The following PACSIN1 variants were observed in gnomAD, a reference collection of about 807,000 sequenced individuals.
PACSIN1 encodes protein kinase C and casein kinase substrate in neurons protein 1.
Under a neutral mutation model 59.5 loss-of-function variants are expected in PACSIN1, and 15 were observed. That is an observed-to-expected ratio of 0.25 (90% CI 0.17 to 0.39). The LOEUF is 0.39. Among genes scored for constraint, PACSIN1 ranks in the 10% least tolerant of loss-of-function variants. The probability of loss-of-function intolerance (pLI) is 1.00; values close to 1 mark genes in which losing one functional copy is unlikely to be tolerated. For missense variants in PACSIN1, 420 were observed against 580.2 expected (o/e 0.72, Z 2.84); for synonymous variants, 210 against 220.6 (o/e 0.95, Z 0.42).
Position 34,530,963 on chromosome 6 carries a change from C to A in PACSIN1, c.1037+376C>A, listed in dbSNP as rs1310019660. ...GGCTGATCTAACAGGAGGTGCAGCT[C>A]AGGCGATAATGCTCCCTCGCCTGTC... is the stretch of plus-strand genomic sequence containing the variant. On this transcript the variant is annotated intron_variant, in intron 8 of 9. Transcript: ENST00000244458. This position sits in a 1 kb window ranked among gnomAD's most constrained non-coding sequence, Gnocchi z 4.4. Among the ~76,000 whole-genome samples, 1 of 152,200 alleles carries A rather than the reference C, an allele frequency of 6.6e-6. No individual in the cohort carries two copies. The highest frequency in any genetic ancestry group is 1.5e-5 in the Non-Finnish European group (1 of 68,050).
chr6:34,480,885 G>C (rs767846181), intron 1 of PACSIN1, among the ~76,000 whole-genome samples: 1 of 151,722 alleles, frequency 6.6e-6, no homozygotes, highest in Non-Finnish European at 1.5e-5. Flanking sequence ...CATTCTTGCA[G>C]GTATGTGGTT....
intron 1 of PACSIN1, among the ~76,000 whole-genome samples, chr6:34,508,818 C>T (rs1767154915): frequency 6.6e-6 from 1 of 152,070 alleles, no homozygotes; most frequent in Non-Finnish European, 1.5e-5. Flanking sequence ...CATTTGTATG[C>T]CTTCTTTGGA....
Position 34,472,951 on chromosome 6 carries a change from A to T in PACSIN1, c.-64+6681A>T, listed in dbSNP as rs562885178. Among the ~76,000 whole-genome samples, 5 of 152,228 alleles carry T rather than the reference A, an allele frequency of 3.3e-5. No individual in the cohort carries two copies. The East Asian group carries it at 9.7e-4, about 30-fold the overall frequency. On this transcript the variant is annotated intron_variant, in intron 1 of 9. Transcript: ENST00000244458. ...CTCATTTAGTCCTCTTAGTAAGCTC[A>T]TGGGGTTATCCCCATTTTACAGATG...
chr6:34,527,510 G>A (rs1218112490), intron 3 of PACSIN1, 22 bp downstream of exon 3: 5 of 1,565,344 alleles, frequency 3.2e-6, no homozygotes, highest in East Asian at 2.4e-5. Context: ...GGCTCACATC[G>A]TGCGCGCCCC....
intron 1 of PACSIN1, among the ~76,000 whole-genome samples, chr6:34,509,384 G>A: frequency 6.6e-6 from 1 of 152,108 alleles, no homozygotes; most frequent in South Asian, 2.1e-4. Context: ...TGGTCTGTAT[G>A]TCTTTATTTA....
intron 1 of PACSIN1, among the ~76,000 whole-genome samples, chr6:34,470,313 TG>T (rs1766553303): frequency 6.6e-6 from 1 of 151,956 alleles, no homozygotes. Context: ...CCTGAGTAGC[TG>T]GGATTACAGG....
At chr6:34,501,864 A>G (rs1380795258) in intron 1 of PACSIN1, among the ~76,000 whole-genome samples, 1 of 151,976 alleles carries the variant, frequency 6.6e-6, no homozygotes, top group African/African-American at 2.4e-5. Context: ...CCCCATCTCT[A>G]CTAAAAATAC....
At chr6:34,509,698 G>C (rs543354583) in intron 1 of PACSIN1, among the ~76,000 whole-genome samples, 87 of 149,146 alleles carry the variant, frequency 5.8e-4, no homozygotes, top group Non-Finnish European at 1.1e-3. Flanking sequence ...TCATGAACAT[G>C]AGATGTTTTT....
chr6:34,528,901 G>T, intron 4 of PACSIN1, 24 bp downstream of exon 4: 1 of 1,394,278 alleles, frequency 7.2e-7, no homozygotes. Flanking sequence ...GCTGCCACGG[G>T]CGGGGTGGGG....
chr6:34,521,762 G>A lies in PACSIN1; in HGVS notation c.-63-4481G>A, dbSNP rs896249536. On this transcript the variant is annotated intron_variant, in intron 1 of 9. Coordinates refer to ENST00000244458, the MANE Select transcript of PACSIN1 (RefSeq NM_020804.5). This position sits in a 1 kb window ranked among gnomAD's most constrained non-coding sequence, Gnocchi z 4.3. ...AAGCGCCGACACCTGTGGAGAGCTC[G>A]CCGTGTGTCAGGCGCGGTCCAGTGG... 2.6e-5 allele frequency among the ~76,000 whole-genome samples: 4 copies of A among 152,172 alleles called. No individual in the cohort carries two copies. Among genetic ancestry groups the A allele is most frequent in the South Asian group, 4.2e-4 (2 of 4,814 alleles).
Position 34,532,518 on chromosome 6 carries a change from G to A in PACSIN1, c.1323G>A (p.Val441=), listed in dbSNP as rs1767619521. 3.2e-6 allele frequency: 5 copies of A among 1,550,256 alleles called. No homozygotes were observed. The highest frequency in any genetic ancestry group is 1.4e-5 in the African/African-American group (1 of 72,896). ...GQLGLYPANY[V]EAI is the part of the protein sequence containing the mutation. ...TGGGCCTCTACCCTGCCAACTACGTGGAGGCTATCTAGAGGCCCCCTCCCT... is the reference window on the plus strand; with the variant it reads ...TGGGCCTCTACCCTGCCAACTACGTAGAGGCTATCTAGAGGCCCCCTCCCT... The change falls in exon 10 of 10, where the codon GTG becomes GTA. Residue 441 remains valine (V), a synonymous_variant. Transcript: ENST00000244458. This position sits in a 1 kb window ranked among gnomAD's most constrained non-coding sequence, Gnocchi z 5.2.
intron 1 of PACSIN1, among the ~76,000 whole-genome samples, chr6:34,524,576 T>G (rs1489196355): frequency 1.3e-5 from 2 of 152,220 alleles, no homozygotes; most frequent in Non-Finnish European, 2.9e-5. Context: ...AAGGTTCCAT[T>G]TAGGAGCAGA....
At chr6:34,491,881 G>C (rs1349020189) in intron 1 of PACSIN1, among the ~76,000 whole-genome samples, 1 of 151,788 alleles carries the variant, frequency 6.6e-6, no homozygotes, top group Non-Finnish European at 1.5e-5. Context: ...CAAAGTGCTG[G>C]GATTACAGAT....
intron 1 of PACSIN1, among the ~76,000 whole-genome samples, chr6:34,471,434 G>A (rs150059625): frequency 1.7e-4 from 26 of 152,300 alleles, no homozygotes; most frequent in African/African-American, 6.3e-4. Context: ...TTTCCCATCT[G>A]TTAACTTTCT....
intron 1 of PACSIN1, among the ~76,000 whole-genome samples, chr6:34,486,367 T>TC (rs1554168159): frequency 6.6e-6 from 1 of 151,918 alleles, no homozygotes; most frequent in Non-Finnish European, 1.5e-5. Context: ...GGTGCCATCA[T>TC]CCCCGCTTTG....
chr6:34,513,016 G>A (rs1298137453), intron 1 of PACSIN1, among the ~76,000 whole-genome samples: 2 of 152,144 alleles, frequency 1.3e-5, no homozygotes, highest in Non-Finnish European at 2.9e-5. Context: ...AGACAGGCCT[G>A]GGCTTTCCGA....
chr6:34,484,691 C>T (rs1295584794), intron 1 of PACSIN1, among the ~76,000 whole-genome samples: 1 of 152,036 alleles, frequency 6.6e-6, no homozygotes, highest in African/African-American at 2.4e-5. Context: ...AGGGTGGCTA[C>T]TATGTGGGTG....
At chr6:34,467,135 G>A (rs1766507731) in intron 1 of PACSIN1, among the ~76,000 whole-genome samples, 2 of 152,146 alleles carry the variant, frequency 1.3e-5, no homozygotes, top group African/African-American at 4.8e-5. Flanking sequence ...GGTGCAAACA[G>A]GACTGTCTGT....
intron 1 of PACSIN1, among the ~76,000 whole-genome samples, chr6:34,467,837 C>T (rs1290882520): frequency 6.6e-6 from 1 of 152,164 alleles, no homozygotes; most frequent in Non-Finnish European, 1.5e-5. Flanking sequence ...GGATTACAGG[C>T]CTGAGCCATC....
Sources: allele counts gnomAD v4.1 joint callset (sites outside exome capture counted in the v4.1 genomes callset), GRCh38; gene constraint gnomAD v4.1.1; non-coding constraint Gnocchi (gnomAD v3.1); transcripts MANE v1.5; gene names NCBI Gene and HGNC (gene_info 2026-07-23, HGNC 2026-07-21).